EPB41L4B: variants seen among roughly 807,000 people sequenced by gnomAD.
The protein encoded by EPB41L4B is erythrocyte membrane protein band 4.1 like 4B.
Under a neutral mutation model 112.5 loss-of-function variants are expected in EPB41L4B, and 30 were observed. That is an observed-to-expected ratio of 0.27 (90% CI 0.20 to 0.36). The LOEUF (loss-of-function observed/expected upper bound fraction) is 0.36. Among genes scored for constraint, EPB41L4B ranks in the 10% least tolerant of loss-of-function variants. The probability of loss-of-function intolerance (pLI) is 1.00; values close to 1 mark genes in which losing one functional copy is unlikely to be tolerated. For missense variants in EPB41L4B, 1,024 were observed against 1,133.3 expected (o/e 0.90, Z 1.38); for synonymous variants, 408 against 439.7 (o/e 0.93, Z 0.90).
At chr9:109,176,493 G>C in intron 25 of EPB41L4B, 58 bp downstream of exon 25, 1 of 1,536,926 alleles carries the variant, frequency 6.5e-7, no homozygotes, top group Non-Finnish European at 8.8e-7. Context: ...TGAACCTAGA[G>C]TCTCCCTGGT....
chr9:109,314,352 G>A (rs1046141909), intron 1 of EPB41L4B, among the ~76,000 whole-genome samples: 17 of 152,172 alleles, frequency 1.1e-4, no homozygotes, highest in Admixed American at 1.0e-3. Flanking sequence ...ATTTCAAAAC[G>A]AAACAGACCT....
chr9:109,238,658 T>G (rs1475953303), intron 15 of EPB41L4B, among the ~76,000 whole-genome samples: 3 of 151,734 alleles, frequency 2.0e-5, no homozygotes, highest in Non-Finnish European at 4.4e-5. Flanking sequence ...AACGTTGCTA[T>G]AGATGGGGGT....
chr9:109,181,425 A>G (rs1002589744), intron 24 of EPB41L4B, among the ~76,000 whole-genome samples: 1 of 152,218 alleles, frequency 6.6e-6, no homozygotes, highest in Non-Finnish European at 1.5e-5. Flanking sequence ...AACAACAATC[A>G]TAACTGACAG....
intron 15 of EPB41L4B, among the ~76,000 whole-genome samples, chr9:109,221,442 G>A (rs1046592268): frequency 6.6e-6 from 1 of 152,028 alleles, no homozygotes; most frequent in African/African-American, 2.4e-5. Context: ...GCCTGGAGAG[G>A]GCTTCCCAAC....
intron 1 of EPB41L4B, among the ~76,000 whole-genome samples, chr9:109,299,619 A>G (rs914160964): frequency 6.6e-5 from 10 of 152,200 alleles, no homozygotes; most frequent in African/African-American, 1.9e-4. Flanking sequence ...TTGAAGCATC[A>G]CATACCTAGA....
chr9:109,274,998 T>C (rs890216215), intron 2 of EPB41L4B, among the ~76,000 whole-genome samples: 1 of 152,362 alleles, frequency 6.6e-6, no homozygotes, highest in African/African-American at 2.4e-5. Flanking sequence ...AGCTTTGATA[T>C]GTAGACACAG....
At chr9:109,249,058 C>CA (rs11287142) in intron 13 of EPB41L4B, among the ~76,000 whole-genome samples, 191 of 121,308 alleles carry the variant, frequency 1.6e-3, no homozygotes, top group African/African-American at 5.4e-3. Flanking sequence ...GACTCCATCT[C>CA]AAAAAAAAAA....
intron 6 of EPB41L4B, among the ~76,000 whole-genome samples, chr9:109,258,836 G>T (rs729862): frequency 0.017 from 2,637 of 152,248 alleles, 82 homozygotes; most frequent in African/African-American, 0.06. Flanking sequence ...AGGAGCAACT[G>T]CGGGAAGTCA....
intron 17 of EPB41L4B, among the ~76,000 whole-genome samples, chr9:109,209,778 C>T (rs1386019716): frequency 6.6e-6 from 1 of 152,142 alleles, no homozygotes; most frequent in Non-Finnish European, 1.5e-5. Context: ...CCTCATGCAA[C>T]CATCTCATTT....
Position 109,194,623 on chromosome 9 carries a change from T to G in EPB41L4B, c.2046-226A>C, listed in dbSNP as rs192432633. ...TTTGCCAGGGTGTTGTTTTGTTTTGTTGGTAAAATATATACAATATAATAT... is the reference window on the plus strand; with the variant it reads ...TTTGCCAGGGTGTTGTTTTGTTTTGGTGGTAAAATATATACAATATAATAT... On this transcript the variant is annotated intron_variant, in intron 20 of 25. Transcript: ENST00000374566. 6.8e-3 allele frequency among the ~76,000 whole-genome samples: 1,028 copies of G among 152,194 alleles called. 15 individuals are homozygous for G. The highest frequency in any genetic ancestry group is 0.022 in the South Asian group (106 of 4,826).
chr9:109,255,642 G>A lies in EPB41L4B; in HGVS notation c.1038C>T (p.Asp346=). The A allele has an allele frequency of 6.2e-7, 1 of 1,613,908 alleles. No individual in the cohort carries two copies. The highest frequency in any genetic ancestry group is 8.5e-7 in the Non-Finnish European group (1 of 1,179,802). Residue 346 remains aspartate, a synonymous_variant, in exon 11 of 26, where the codon GAC becomes GAT. Coordinates refer to ENST00000374566, the MANE Select transcript of EPB41L4B (RefSeq NM_019114.5). ...AAAGGTGTTTGCAGGTCCTGGCACT[G>A]TCTAACCGGAACACAAACGTGTGCT... ...EQEHTFVFRL[D]SARTCKHLWK...
intron 15 of EPB41L4B, among the ~76,000 whole-genome samples, chr9:109,227,664 C>T (rs568436268): frequency 2.0e-5 from 3 of 152,084 alleles, no homozygotes; most frequent in African/African-American, 7.2e-5. Context: ...TCACTGCAAC[C>T]TCCGCCTCCT....
Position 109,176,506 on chromosome 9 carries a change from C to T in EPB41L4B, c.2633+45G>A, listed in dbSNP as rs1477635879. On this transcript the variant is annotated intron_variant, in intron 25 of 25. Transcript: ENST00000374566. ...AATGAACCTAGAGTCTCCCTGGTTT[C>T]CCTGTCACCAGAATTACCTGTCGGA... is the stretch of plus-strand genomic sequence containing the variant. The T allele has an allele frequency of 1.9e-6, 3 of 1,557,092 alleles. No homozygotes were observed. In the South Asian group the frequency reaches 3.6e-5, roughly 19 times the overall value.
At chr9:109,243,554 A>G (rs1346991155) in intron 15 of EPB41L4B, 64 bp downstream of exon 15, 3 of 1,513,568 alleles carry the variant, frequency 2.0e-6, no homozygotes, top group Non-Finnish European at 1.8e-6. Flanking sequence ...ACTAAGCAGA[A>G]TCTGAACTTT....
intron 17 of EPB41L4B, among the ~76,000 whole-genome samples, chr9:109,212,512 G>A (rs190769221): frequency 1.4e-4 from 22 of 152,316 alleles, no homozygotes; most frequent in African/African-American, 3.8e-4. Flanking sequence ...GGTTAAACCT[G>A]CAGTTGGGGT....
intron 6 of EPB41L4B, 111 bp from the exon 7 acceptor site, chr9:109,258,408 C>T: frequency 9.0e-7 from 1 of 1,117,066 alleles, no homozygotes; most frequent in Non-Finnish European, 1.3e-6. Context: ...CCCCCCGCCC[C>T]AATGTATAAC....
At chr9:109,290,608 G>A (rs1241296466) in intron 1 of EPB41L4B, among the ~76,000 whole-genome samples, 1 of 151,920 alleles carries the variant, frequency 6.6e-6, no homozygotes. Context: ...CTCAAGGCCT[G>A]TTTCAGCTAT....
chr9:109,240,482 T>C (rs1834316095), intron 15 of EPB41L4B: 13 of 985,264 alleles, frequency 1.3e-5, no homozygotes, highest in African/African-American at 1.7e-5. Context: ...CAATTACATA[T>C]ACAAAAATGG....
intron 2 of EPB41L4B, among the ~76,000 whole-genome samples, chr9:109,276,875 T>G (rs923348025): frequency 1.3e-5 from 2 of 152,238 alleles, no homozygotes; most frequent in African/African-American, 4.8e-5. Flanking sequence ...TCCTCCTTTC[T>G]AACTAGAGAA....
Sources: allele counts gnomAD v4.1 joint callset (sites outside exome capture counted in the v4.1 genomes callset), GRCh38; gene constraint gnomAD v4.1.1; transcripts MANE v1.5; gene names NCBI Gene and HGNC (gene_info 2026-07-23, HGNC 2026-07-21).